The following RPH3AL variants were observed in gnomAD, a reference collection of about 807,000 sequenced individuals.
The protein encoded by RPH3AL is rab effector Noc2.
A neutral mutation model predicts 43.1 loss-of-function variants in RPH3AL; 38 were observed. That is an observed-to-expected ratio of 0.88 (90% confidence interval 0.68 to 1.15). The LOEUF (loss-of-function observed/expected upper bound fraction) is 1.15, where lower values mean the gene tolerates loss of function less well. Among genes scored for constraint, RPH3AL ranks in the 50% most tolerant of loss-of-function variants. RPH3AL has a pLI of 0.00. For synonymous variants in RPH3AL, 189 were observed against 176.3 expected, an observed-to-expected ratio of 1.07 and a Z score of -0.57; for missense variants, 462 against 423.2, an observed-to-expected ratio of 1.09 and a Z score of -0.81.
chr17:317,735 C>G (rs1368351663), intron 5 of RPH3AL, among the ~76,000 whole-genome samples: 1 of 152,248 alleles, frequency 6.6e-6, no homozygotes, highest in African/African-American at 2.4e-5. Context: ...TCCTGGCTTT[C>G]CTGCTTACTA....
At chr17:339,000 C>G (rs1041198069) in intron 1 of RPH3AL, 2 of 152,992 alleles carry the variant, frequency 1.3e-5, no homozygotes, top group Non-Finnish European at 2.9e-5. Flanking sequence ...AGGTGGCTCT[C>G]CGCGGGTCCT....
intron 2 of RPH3AL, among the ~76,000 whole-genome samples, chr17:329,436 A>G (rs949117611): frequency 6.6e-6 from 1 of 152,242 alleles, no homozygotes; most frequent in African/African-American, 2.4e-5. Flanking sequence ...AGATCAAGCC[A>G]TTGCACTCCA....
At chr17:273,124 T>TGACGTCAGGAAGAGACCCCAGCGAGGGC (rs2042548725) in intron 6 of RPH3AL, among the ~76,000 whole-genome samples, 1 of 10,260 alleles carries the variant, frequency 9.7e-5, no homozygotes, top group Admixed American at 1.0e-3. Context: ...CCAGCGAGGG[T>TGACGTCAGGAAGAGACCCCAGCGAGGGC]GACGTCAGGG....
intron 7 of RPH3AL, among the ~76,000 whole-genome samples, chr17:242,869 C>T (rs1294150769): frequency 4.6e-5 from 5 of 109,740 alleles, no homozygotes; most frequent in African/African-American, 6.5e-5. Flanking sequence ...ATTGATTACC[C>T]TTCCTCTATT....
intron 1 of RPH3AL, among the ~76,000 whole-genome samples, chr17:348,746 A>G (rs914645380): frequency 6.6e-6 from 1 of 152,162 alleles, no homozygotes; most frequent in Non-Finnish European, 1.5e-5. Context: ...TAAAGGAGGA[A>G]GGTACGTACT....
At chr17:259,909 A>G (rs7224163) in intron 6 of RPH3AL, among the ~76,000 whole-genome samples, 14,751 of 152,244 alleles carry the variant, frequency 0.097, 966 homozygotes, top group African/African-American at 0.18. Context: ...CATTTCCTAA[A>G]TGGTTGTGGC....
At chr17:329,932 A>T (rs1030715830) in intron 2 of RPH3AL, among the ~76,000 whole-genome samples, 1 of 152,252 alleles carries the variant, frequency 6.6e-6, no homozygotes, top group Admixed American at 6.5e-5. Context: ...GATTAGTTCA[A>T]ATGTGGCATC....
intron 1 of RPH3AL, among the ~76,000 whole-genome samples, chr17:345,603 G>A (rs2045219258): frequency 7.5e-6 from 1 of 133,616 alleles, no homozygotes; most frequent in Non-Finnish European, 1.7e-5. Context: ...AGGCTGAGAA[G>A]TGGGTGCCTG....
chr17:325,056 A>G (rs2044587221), intron 3 of RPH3AL, among the ~76,000 whole-genome samples: 1 of 151,472 alleles, frequency 6.6e-6, no homozygotes, highest in Non-Finnish European at 1.5e-5. Flanking sequence ...ACAGGGTTTC[A>G]CCGCGTTGGT....
rs1567604913 is a variant in RPH3AL at position 273,135 on chromosome 17, AGAGACCCCAGCGAGGGTGATGTCAGGGT to A, written c.438+8605_438+8632del. On this transcript the variant is annotated intron_variant, in intron 6 of 9. Transcript: ENST00000331302. ...GACCCCAGCGAGGGTGACGTCAGGG[AGAGACCCCAGCGAGGGTGATGTCAGGGT>A]GAGACCCCAGCGCGGGTGACGTCAG... is the stretch of plus-strand genomic sequence containing the variant. Among the ~76,000 whole-genome samples, 39 of 33,336 alleles carry A rather than the reference AGAGACCCCAGCGAGGGTGATGTCAGGGT, an allele frequency of 1.2e-3. 9 individuals carry two copies. The highest frequency in any genetic ancestry group is 4.2e-3 in the South Asian group (2 of 476). The allele number at this position is 33,336 out of a possible 152,430, so 21.9% of individuals were successfully genotyped here.
At chr17:310,324 G>A (rs539016653) in intron 5 of RPH3AL, among the ~76,000 whole-genome samples, 6 of 152,292 alleles carry the variant, frequency 3.9e-5, no homozygotes, top group South Asian at 2.1e-4. Flanking sequence ...CCGGCATCTC[G>A]GCTTCCACCC....
intron 1 of RPH3AL, among the ~76,000 whole-genome samples, chr17:345,100 C>T (rs2045211634): frequency 7.5e-6 from 1 of 133,460 alleles, no homozygotes; most frequent in South Asian, 2.4e-4. Context: ...GAAACCTTGT[C>T]TCTGAAAACA....
At chr17:232,827 GGCGTGTGTGTGT>G (rs1296110228) in intron 7 of RPH3AL, among the ~76,000 whole-genome samples, 1 of 130,180 alleles carries the variant, frequency 7.7e-6, no homozygotes, top group Non-Finnish European at 1.6e-5. Flanking sequence ...AGTCCTTTCC[GGCGTGTGTGTGT>G]GTGTGTGTGT....
At chr17:299,594 G>A (rs542407182) in intron 5 of RPH3AL, among the ~76,000 whole-genome samples, 8 of 152,336 alleles carry the variant, frequency 5.3e-5, no homozygotes, top group Non-Finnish European at 8.8e-5. Flanking sequence ...TCCGTGAACA[G>A]CAAACAGCTG....
At chr17:244,999 TG>T (rs2041713246) in intron 7 of RPH3AL, among the ~76,000 whole-genome samples, 2 of 152,156 alleles carry the variant, frequency 1.3e-5, no homozygotes, top group Non-Finnish European at 2.9e-5. Flanking sequence ...TGTATGCATG[TG>T]GATATGAGTG....
At chr17:304,711 C>T (rs1044110955) in intron 5 of RPH3AL, among the ~76,000 whole-genome samples, 6 of 152,030 alleles carry the variant, frequency 3.9e-5, no homozygotes, top group East Asian at 3.9e-4. Context: ...TGAGGGACGC[C>T]GAGATTCACA....
At chr17:304,914 C>T (rs4990302) in intron 5 of RPH3AL, among the ~76,000 whole-genome samples, 65,764 of 85,190 alleles carry the variant, frequency 0.77, 26,110 homozygotes, top group Middle Eastern at 0.87. Context: ...GGCCAGAGTG[C>T]AAGAGAGGCA....
chr17:242,332 G>GATT (rs1555537387), intron 7 of RPH3AL, among the ~76,000 whole-genome samples: 4 of 98,728 alleles, frequency 4.1e-5, no homozygotes, highest in East Asian at 6.0e-4. Context: ...TTCCTCTATT[G>GATT]ACTACCTTCC....
intron 1 of RPH3AL, among the ~76,000 whole-genome samples, chr17:352,417 T>C (rs8079420): frequency 0.38 from 57,491 of 151,696 alleles, 11,508 homozygotes; most frequent in Non-Finnish European, 0.44. Flanking sequence ...CAGCGGGGCA[T>C]GAGGCTGTTC....
Sources: allele counts gnomAD v4.1 joint callset (sites outside exome capture counted in the v4.1 genomes callset), GRCh38; gene constraint gnomAD v4.1.1; transcripts MANE v1.5; gene names NCBI Gene and HGNC (gene_info 2026-07-23, HGNC 2026-07-21).